CCDC194: variants seen among roughly 807,000 people sequenced by gnomAD.
The protein encoded by CCDC194 is coiled-coil domain-containing protein 194.
Under a neutral mutation model 4.9 loss-of-function variants are expected in CCDC194, and 8 were observed. The observed-to-expected ratio is 1.65, with a 90% confidence interval of 0.97 to 2.97. The LOEUF (loss-of-function observed/expected upper bound fraction) is 2.97. Ranked by LOEUF, CCDC194 falls within the 30% of genes most tolerant of loss-of-function variation. CCDC194 has a pLI of 0.00. For missense variants in CCDC194, 52 were observed against 43.1 expected (o/e 1.21, Z -0.58); for synonymous variants, 13 against 17.0 (o/e 0.76, Z 0.58).
downstream of CCDC194, among the ~76,000 whole-genome samples, chr19:17,389,093 G>A (rs964296991): frequency 3.3e-5 from 5 of 152,166 alleles, no homozygotes; most frequent in African/African-American, 1.2e-4. Flanking sequence ...TCTTGCTGTG[G>A]CCTCCCAAAA....
intron 2 of CCDC194, 148 bp from the exon 3 acceptor site, chr19:17,391,491 G>T: frequency 1.4e-6 from 1 of 718,900 alleles, no homozygotes; most frequent in Non-Finnish European, 2.2e-6. Context: ...TGGCTTCCAC[G>T]TGCCATTTGC....
In CCDC194 at chr19:17,391,092, C is replaced by G. The variant is rs1016342720; in HGVS notation, c.554+119G>C. The G allele has an allele frequency of 7.1e-5, 27 of 380,980 alleles. No individual in the cohort carries two copies. In the East Asian group the frequency reaches 1.0e-3, roughly 14 times the overall value. 23.6% of individuals were successfully genotyped at this position (380,980 alleles called of 1,614,324 possible). On this transcript the variant is annotated intron_variant, in intron 3 of 3. Transcript: ENST00000636079. ...CCCCTATTAAATCAACAATGCCCCC[C>G]CCCCACCACAATTCCACGCCCAAAG...
At chr19:17,391,680 T>C (rs1286248804) in intron 2 of CCDC194, 70 bp downstream of exon 2, 1 of 1,535,452 alleles carries the variant, frequency 6.5e-7, no homozygotes, top group Non-Finnish European at 8.7e-7. Flanking sequence ...CTGTGCTTGT[T>C]TGGATAACTA....
chr19:17,388,193 CTTTT>C (rs71162117), downstream of CCDC194, among the ~76,000 whole-genome samples: 18 of 92,112 alleles, frequency 2.0e-4, no homozygotes, highest in African/African-American at 8.1e-4. Flanking sequence ...TCTTTTTTTC[CTTTT>C]TTTTTTTTTT....
intron 1 of CCDC194, among the ~76,000 whole-genome samples, chr19:17,393,452 G>A (rs1449326403): frequency 2.7e-5 from 4 of 147,820 alleles, no homozygotes; most frequent in African/African-American, 7.7e-5. Flanking sequence ...GCAGTGGCGC[G>A]GTCTCAGCTC....
chr19:17,391,330 G>C (rs924209753), exon 3 of CCDC194: 1 of 429,686 alleles, frequency 2.3e-6, no homozygotes, highest in Non-Finnish European at 4.1e-6. Flanking sequence ...CCGCCTCCCA[G>C]CGCGCCAGGG....
Position 17,391,306 on chromosome 19 carries a change from A to AGACTCCGTGGCCGCCGCCTC in CCDC194, c.439_458dup (p.Thr154ArgfsTer46), listed in dbSNP as rs2145737138. 2.4e-6 allele frequency: 1 copy of AGACTCCGTGGCCGCCGCCTC among 424,898 alleles called. No individual in the cohort carries two copies. The highest frequency in any genetic ancestry group is 7.1e-5 in the South Asian group (1 of 14,014). The allele number at this position is 424,898 out of a possible 1,614,324, so 26.3% of individuals were successfully genotyped here. A position where few individuals can be genotyped will look rare whatever the true frequency, so the allele number is the denominator to read the frequency against. On this transcript the variant is annotated frameshift_variant, in exon 3 of 4. Coordinates refer to ENST00000636079, the Ensembl canonical transcript of CCDC194. LOFTEE classifies it high-confidence loss of function. Reference sequence around the variant, plus strand: ...GCAGAGCCTCGTCCAGCCGCCGCGTAGACTCCGTGGCCGCCGCCTCCCAGC... The same window carrying AGACTCCGTGGCCGCCGCCTC: ...GCAGAGCCTCGTCCAGCCGCCGCGTAGACTCCGTGGCCGCCGCCTCGACTCCGTGGCCGCCGCCTCCCAGC...
chr19:17,388,834 A>ATTTTTCATGTTTAAT, downstream of CCDC194, among the ~76,000 whole-genome samples: 1 of 150,742 alleles, frequency 6.6e-6, no homozygotes, highest in South Asian at 2.1e-4. Flanking sequence ...TATAGCTTTA[A>ATTTTTCATGTTTAAT]TTTTTCATGT....
chr19:17,391,526 C>T, intron 2 of CCDC194, 183 bp from the exon 3 acceptor site: 1 of 1,069,332 alleles, frequency 9.4e-7, no homozygotes, highest in Non-Finnish European at 1.3e-6. Context: ...GTTTGCATTG[C>T]TTTCGTGAGT....
At chr19:17,389,974 AC>A (rs1452997125), downstream of CCDC194, among the ~76,000 whole-genome samples, 1 of 152,118 alleles carries the variant, frequency 6.6e-6, no homozygotes, top group Non-Finnish European at 1.5e-5. Flanking sequence ...TCAAAACCAA[AC>A]CAAAACAAAC....
chr19:17,390,303 C>G (rs1212151047), downstream of CCDC194, among the ~76,000 whole-genome samples: 1 of 152,166 alleles, frequency 6.6e-6, no homozygotes, highest in African/African-American at 2.4e-5. The surrounding 1 kb of genome is among the most constrained non-coding windows in gnomAD (Gnocchi z 5.5). Flanking sequence ...ACTTGGGCCT[C>G]AGTTTCCCTG....
chr19:17,391,093 C>A (rs868573112), intron 3 of CCDC194, 118 bp downstream of exon 3: 7 of 381,880 alleles, frequency 1.8e-5, no homozygotes, highest in African/African-American at 1.2e-4. Flanking sequence ...AATGCCCCCC[C>A]CCCACCACAA....
chr19:17,391,054 C>T (rs1017183935), intron 3 of CCDC194, among the ~76,000 whole-genome samples, 157 bp downstream of exon 3: 2 of 150,474 alleles, frequency 1.3e-5, no homozygotes, highest in African/African-American at 4.9e-5. Flanking sequence ...CCTTAGGTTC[C>T]AATTCCAGGA....
At chr19:17,388,155 GGATTACAGGCGT>G (rs1380046563), downstream of CCDC194, among the ~76,000 whole-genome samples, 1 of 149,176 alleles carries the variant, frequency 6.7e-6, no homozygotes, top group Non-Finnish European at 1.5e-5. Context: ...CAAAGTGCTG[GGATTACAGGCGT>G]GAGCCACCCC....
intron 1 of CCDC194, among the ~76,000 whole-genome samples, chr19:17,393,213 A>C (rs1371369323): frequency 6.6e-6 from 1 of 152,100 alleles, no homozygotes; most frequent in Admixed American, 6.6e-5. Flanking sequence ...CAAGAGGCCA[A>C]CTTTAGCCTC....
rs1364997391 is a variant in CCDC194 at position 17,391,353 on chromosome 19, C to T, written c.422-10G>A. 8.9e-6 allele frequency: 4 copies of T among 448,928 alleles called. No homozygotes were observed. Among genetic ancestry groups the T allele is most frequent in the Non-Finnish European group, 7.8e-6 (2 of 257,286 alleles). 27.8% of individuals were successfully genotyped at this position (448,928 alleles called of 1,614,324 possible). A position where few individuals can be genotyped will look rare whatever the true frequency, so the allele number is the denominator to read the frequency against. On this transcript the variant is annotated splice_polypyrimidine_tract_variant and intron_variant, in intron 2 of 3. Transcript: ENST00000636079. ...CAGCGCGCCAGGGCCTCTGGGGGCG[C>T]AGGGAGCCGGGTCAGGCTGGAGACT...
downstream of CCDC194, among the ~76,000 whole-genome samples, chr19:17,389,829 G>A (rs1440830000): frequency 6.6e-6 from 1 of 152,202 alleles, no homozygotes; most frequent in African/African-American, 2.4e-5. Context: ...GCTGGGCGTA[G>A]TGGTGGGGGC....
Position 17,390,891 on chromosome 19 carries a change from C to T in CCDC194, c.555-232G>A, listed in dbSNP as rs2074651630. Reference sequence around the variant, plus strand: ...CCCAGAAGCTCTGTCCCCCTACCACCAGCCTCTCCCTCGATACTCCCTTTT... The same window carrying T: ...CCCAGAAGCTCTGTCCCCCTACCACTAGCCTCTCCCTCGATACTCCCTTTT... On this transcript the variant is annotated intron_variant, in intron 3 of 3. Coordinates refer to ENST00000636079, the Ensembl canonical transcript of CCDC194. The surrounding 1 kb of genome is among the most constrained non-coding windows in gnomAD (Gnocchi z 5.5). Among the ~76,000 whole-genome samples the T allele has an allele frequency of 1.3e-5, 2 of 152,034 alleles. No individual in the cohort carries two copies. The highest frequency in any genetic ancestry group is 4.8e-5 in the African/African-American group (2 of 41,398).
At chr19:17,389,808 T>C (rs2074647640), downstream of CCDC194, among the ~76,000 whole-genome samples, 1 of 152,056 alleles carries the variant, frequency 6.6e-6, no homozygotes, top group African/African-American at 2.4e-5. Flanking sequence ...CTACTAAAAA[T>C]ACAAAAATCA....
Sources: allele counts gnomAD v4.1 joint callset (sites outside exome capture counted in the v4.1 genomes callset), GRCh38; gene constraint gnomAD v4.1.1; non-coding constraint Gnocchi (gnomAD v3.1); transcripts MANE v1.5; gene names NCBI Gene and HGNC (gene_info 2026-07-23, HGNC 2026-07-21).